The following GALNT13 variants were observed in gnomAD, a reference collection of about 807,000 sequenced individuals.
GALNT13 encodes UDP-GalNAc:polypeptide N-acetylgalactosaminyltransferase 13.
Under a neutral mutation model 64.2 loss-of-function variants are expected in GALNT13, and 28 were observed. That is an observed-to-expected ratio of 0.44 (90% CI 0.32 to 0.60). The LOEUF is 0.60. Ranked by LOEUF, GALNT13 falls within the 20% of genes least tolerant of loss-of-function variation. GALNT13 has a pLI of 0.05. For missense variants in GALNT13, 577 were observed against 669.8 expected (o/e 0.86, Z 1.53); for synonymous variants, 214 against 224.6 (o/e 0.95, Z 0.42).
chr2:154,104,684 A>G (rs1309636835), intron 3 of GALNT13, among the ~76,000 whole-genome samples: 1 of 152,222 alleles, frequency 6.6e-6, no homozygotes. Flanking sequence ...GGCACATGCC[A>G]TACACTAGAT....
At chr2:154,030,756 T>G (rs1039590719) in intron 3 of GALNT13, among the ~76,000 whole-genome samples, 1 of 152,118 alleles carries the variant, frequency 6.6e-6, no homozygotes, top group African/African-American at 2.4e-5. Context: ...CCACCTTCAC[T>G]TGCCCTCTCT....
At chr2:153,159,907 T>G in the GALNT13 span, among the ~76,000 whole-genome samples, 1 of 152,210 alleles carries the variant, frequency 6.6e-6, no homozygotes, top group Non-Finnish European at 1.5e-5. Flanking sequence ...TATTGGCCAG[T>G]CAGATGTTTC....
chr2:153,817,899 G>T, the GALNT13 span, among the ~76,000 whole-genome samples: 2 of 152,158 alleles, frequency 1.3e-5, no homozygotes, highest in Non-Finnish European at 2.9e-5. Context: ...AAATTAAGGA[G>T]GGGGAGGTTC....
At chr2:154,290,012 T>C (rs145715798) in intron 8 of GALNT13, among the ~76,000 whole-genome samples, 157 of 152,310 alleles carry the variant, frequency 1.0e-3, no homozygotes, top group African/African-American at 3.7e-3. Flanking sequence ...CAGAGCTCTG[T>C]CAACTCCCAT....
the GALNT13 span, among the ~76,000 whole-genome samples, chr2:153,698,264 TG>T: frequency 4.6e-5 from 7 of 152,082 alleles, no homozygotes; most frequent in African/African-American, 1.7e-4. Flanking sequence ...TAAATGTAAA[TG>T]GGCTAAATGC....
At chr2:153,415,540 A>G in the GALNT13 span, among the ~76,000 whole-genome samples, 1 of 152,238 alleles carries the variant, frequency 6.6e-6, no homozygotes, top group Admixed American at 6.5e-5. Flanking sequence ...GTATGAGTAC[A>G]TGGTCAGTTT....
At chr2:153,588,593 C>A in the GALNT13 span, among the ~76,000 whole-genome samples, 2 of 152,130 alleles carry the variant, frequency 1.3e-5, no homozygotes, top group African/African-American at 4.8e-5. Flanking sequence ...GCCCACAAAA[C>A]CATTATTTCC....
intron 4 of GALNT13, among the ~76,000 whole-genome samples, chr2:154,203,602 AC>A (rs1687287526): frequency 6.6e-6 from 1 of 152,086 alleles, no homozygotes. Flanking sequence ...TTTCCAGGGA[AC>A]CCCCAATTCA....
chr2:154,115,320 T>C (rs1165489394), intron 3 of GALNT13, among the ~76,000 whole-genome samples: 1 of 152,200 alleles, frequency 6.6e-6, no homozygotes, highest in African/African-American at 2.4e-5. Context: ...ATTATTATTA[T>C]ACTTTAAGTT....
chr2:153,297,934 CATT>C, the GALNT13 span, among the ~76,000 whole-genome samples: 2 of 152,102 alleles, frequency 1.3e-5, no homozygotes, highest in African/African-American at 2.4e-5. Flanking sequence ...AGAGAGAAAA[CATT>C]ATGATTCAAG....
chr2:153,825,912 G>A, the GALNT13 span, among the ~76,000 whole-genome samples: 1 of 152,000 alleles, frequency 6.6e-6, no homozygotes, highest in South Asian at 2.1e-4. Flanking sequence ...ACTTATAGCA[G>A]ATACTTGAAA....
chr2:153,541,526 T>C, the GALNT13 span, among the ~76,000 whole-genome samples: 1 of 152,134 alleles, frequency 6.6e-6, no homozygotes, highest in African/African-American at 2.4e-5. Context: ...AGAACACCTT[T>C]CCCCAAAGCC....
chr2:154,163,108 A>G (rs1396112253), intron 4 of GALNT13, among the ~76,000 whole-genome samples: 2 of 146,718 alleles, frequency 1.4e-5, no homozygotes, highest in Middle Eastern at 3.2e-3. Flanking sequence ...CATTAGGTAT[A>G]TCTCCTAATG....
At chr2:154,142,502 T>C (rs1363816136) in intron 4 of GALNT13, among the ~76,000 whole-genome samples, 1 of 146,206 alleles carries the variant, frequency 6.8e-6, no homozygotes, top group Non-Finnish European at 1.5e-5. Context: ...TGAGCCGAGA[T>C]TTTGCCATTG....
chr2:153,583,062 A>C, the GALNT13 span, among the ~76,000 whole-genome samples: 1 of 152,336 alleles, frequency 6.6e-6, no homozygotes, highest in African/African-American at 2.4e-5. Context: ...TTAATTAATC[A>C]CAAACATTAT....
the GALNT13 span, among the ~76,000 whole-genome samples, chr2:153,726,964 A>G: frequency 1.3e-5 from 2 of 151,830 alleles, no homozygotes; most frequent in Non-Finnish European, 2.9e-5. Context: ...AAACAAAAAA[A>G]AAACCACACA....
At chr2:153,622,112 G>A in the GALNT13 span, among the ~76,000 whole-genome samples, 1 of 152,090 alleles carries the variant, frequency 6.6e-6, no homozygotes, top group Non-Finnish European at 1.5e-5. Flanking sequence ...TGCACTTAAA[G>A]TGTTCCAAGG....
chr2:153,771,223 G>C, the GALNT13 span, among the ~76,000 whole-genome samples: 1 of 152,202 alleles, frequency 6.6e-6, no homozygotes, highest in Non-Finnish European at 1.5e-5. Context: ...TTGGGGGGCA[G>C]ATGTGTCTCA....
chr2:154,024,680 T>C (rs992619133), intron 3 of GALNT13, among the ~76,000 whole-genome samples: 26 of 152,186 alleles, frequency 1.7e-4, no homozygotes, highest in East Asian at 1.9e-4. Flanking sequence ...TCTGAAGCCT[T>C]CTTCTCTCAG....
Sources: allele counts gnomAD v4.1 joint callset (sites outside exome capture counted in the v4.1 genomes callset), GRCh38; gene constraint gnomAD v4.1.1; transcripts MANE v1.5; gene names NCBI Gene and HGNC (gene_info 2026-07-23, HGNC 2026-07-21).